The following ITPR1 variants were observed in gnomAD, a reference collection of about 807,000 sequenced individuals.
ITPR1 encodes the protein inositol 1,4,5-trisphosphate receptor type 1.
In ITPR1, 96 loss-of-function variants were observed where a neutral mutation model predicts 318.4. The ratio of observed to expected loss-of-function variants is 0.30; its 90% CI spans 0.26 to 0.36. The LOEUF is 0.36. Ranked by LOEUF, ITPR1 falls within the 10% of genes least tolerant of loss-of-function variation. ITPR1 has a pLI of 1.00. For synonymous variants in ITPR1, 1,312 were observed against 1,289.9 expected, an observed-to-expected ratio of 1.02 and a Z score of -0.37; for missense variants, 2,440 against 3,460.2, an observed-to-expected ratio of 0.71 and a Z score of 7.40.
At chr3:4,533,628 C>T (rs1330188250) in intron 4 of ITPR1, among the ~76,000 whole-genome samples, 2 of 152,186 alleles carry the variant, frequency 1.3e-5, no homozygotes, top group South Asian at 2.1e-4. Flanking sequence ...TGTAAAACAT[C>T]GATATGTCCG....
intron 30 of ITPR1, 25 bp downstream of exon 30, chr3:4,685,231 G>A (rs531326618): frequency 2.5e-6 from 4 of 1,579,174 alleles, no homozygotes; most frequent in Admixed American, 3.4e-5. Flanking sequence ...ATGCACAGCA[G>A]CTGCTCTCAG....
chr3:4,823,423 A>C (rs1365903469), intron 60 of ITPR1, among the ~76,000 whole-genome samples: 1 of 152,224 alleles, frequency 6.6e-6, no homozygotes, highest in African/African-American at 2.4e-5. Context: ...TCAACAAATG[A>C]ATGGATAAAG....
chr3:4,526,154 T>C (rs1258272535), intron 4 of ITPR1, among the ~76,000 whole-genome samples: 1 of 152,202 alleles, frequency 6.6e-6, no homozygotes, highest in African/African-American at 2.4e-5. Flanking sequence ...GATGTTACCA[T>C]ATCAATAATA....
intron 52 of ITPR1, 36 bp from the exon 53 acceptor site, chr3:4,795,026 GGTC>G: frequency 1.3e-6 from 2 of 1,562,100 alleles, no homozygotes; most frequent in Non-Finnish European, 1.7e-6. Flanking sequence ...TCCGGCTTGG[GGTC>G]TCCAGCCTCA....
chr3:4,627,202 T>C (rs951892748), intron 4 of ITPR1, among the ~76,000 whole-genome samples: 2 of 152,294 alleles, frequency 1.3e-5, no homozygotes, highest in South Asian at 2.1e-4. Context: ...CATTGTTGTA[T>C]ACAGCAAGGA....
At chr3:4,589,614 C>A (rs899432558) in intron 4 of ITPR1, among the ~76,000 whole-genome samples, 1 of 152,086 alleles carries the variant, frequency 6.6e-6, no homozygotes, top group African/African-American at 2.4e-5. Flanking sequence ...GGCTCACAGT[C>A]TTTCTACCAT....
chr3:4,631,405 T>A (rs967208276), intron 5 of ITPR1, among the ~76,000 whole-genome samples: 1 of 152,222 alleles, frequency 6.6e-6, no homozygotes, highest in Non-Finnish European at 1.5e-5. Context: ...TGCAAAAATA[T>A]GTATGTTACT....
At chr3:4,649,957 T>C (rs1559612212) in intron 10 of ITPR1, among the ~76,000 whole-genome samples, 1 of 152,200 alleles carries the variant, frequency 6.6e-6, no homozygotes, top group Non-Finnish European at 1.5e-5. Context: ...TATAACCTTA[T>C]GGGGTAGGTT....
chr3:4,691,449 AGAAG>A (rs1211702357), intron 32 of ITPR1, 105 bp downstream of exon 32: 64 of 722,748 alleles, frequency 8.9e-5, no homozygotes, highest in Non-Finnish European at 1.4e-4. Context: ...GGAGCCATAC[AGAAG>A]GACAGAAAGT....
intron 26 of ITPR1, among the ~76,000 whole-genome samples, chr3:4,681,624 A>AGTATGTGTGTGTGTGT (rs373511110): frequency 0.079 from 11,551 of 145,804 alleles, 529 homozygotes; most frequent in Middle Eastern, 0.1. Flanking sequence ...AGAGAGAGAA[A>AGTATGTGTGTGTGTGT]GTGTGTGTGT....
chr3:4,617,961 G>A (rs917799812), intron 4 of ITPR1, among the ~76,000 whole-genome samples: 1 of 151,150 alleles, frequency 6.6e-6, no homozygotes, highest in Non-Finnish European at 1.5e-5. Flanking sequence ...CTCCAGCCTG[G>A]GCAACAAAGT....
chr3:4,581,655 C>T (rs571613418), intron 4 of ITPR1, among the ~76,000 whole-genome samples: 1 of 152,308 alleles, frequency 6.6e-6, no homozygotes, highest in South Asian at 2.1e-4. Flanking sequence ...TAACCAAATG[C>T]TCAGAAACCA....
At chr3:4,609,081 T>TATAC (rs2091918725) in intron 4 of ITPR1, among the ~76,000 whole-genome samples, 1 of 92,014 alleles carries the variant, frequency 1.1e-5, no homozygotes, top group Non-Finnish European at 2.1e-5. Flanking sequence ...TATATATATA[T>TATAC]ATATATATAC....
chr3:4,783,806 T>G lies in ITPR1; in HGVS notation c.6511-10T>G, dbSNP rs1167956465. The G allele has an allele frequency of 6.3e-7, 1 of 1,587,458 alleles. No individual in the cohort carries two copies. Among genetic ancestry groups the G allele is most frequent in the Non-Finnish European group, 8.6e-7 (1 of 1,164,904 alleles). ...CACCAACCTCCTGTATCTCTGTCCCTGTATTCTAGTTGGCTCGGCATAACA... is the reference window on the plus strand; with the variant it reads ...CACCAACCTCCTGTATCTCTGTCCCGGTATTCTAGTTGGCTCGGCATAACA... On this transcript the variant is annotated splice_polypyrimidine_tract_variant and intron_variant, in intron 50 of 61. Transcript: ENST00000649015.
chr3:4,775,592 C>G, intron 47 of ITPR1, 150 bp downstream of exon 47: 1 of 626,972 alleles, frequency 1.6e-6, no homozygotes, highest in Non-Finnish European at 2.8e-6. Context: ...GAGAAATAGC[C>G]ATGGTGTTTC....
chr3:4,583,328 C>T (rs890933607), intron 4 of ITPR1, among the ~76,000 whole-genome samples: 7 of 152,142 alleles, frequency 4.6e-5, no homozygotes, highest in East Asian at 1.9e-4. Context: ...AAAAAGTTAG[C>T]GTTTTTTCAC....
intron 45 of ITPR1, 90 bp downstream of exon 45, chr3:4,766,800 A>G: frequency 1.9e-6 from 2 of 1,055,776 alleles, no homozygotes; most frequent in South Asian, 4.0e-5. Context: ...TCTGTGCTCT[A>G]AAATGCATTA....
intron 49 of ITPR1, 126 bp from the exon 50 acceptor site, chr3:4,782,493 C>T (rs532159645): frequency 4.0e-5 from 38 of 940,808 alleles, no homozygotes; most frequent in African/African-American, 1.2e-4. Context: ...TGTCCAAGCC[C>T]GATAGGAGAG....
chr3:4,539,195 A>G (rs1468260921), intron 4 of ITPR1, among the ~76,000 whole-genome samples: 1 of 152,140 alleles, frequency 6.6e-6, no homozygotes, highest in Non-Finnish European at 1.5e-5. Flanking sequence ...CGAGTTATTT[A>G]GAAGTATTTT....
Sources: allele counts gnomAD v4.1 joint callset (sites outside exome capture counted in the v4.1 genomes callset), GRCh38; gene constraint gnomAD v4.1.1; transcripts MANE v1.5; gene names NCBI Gene and HGNC (gene_info 2026-07-23, HGNC 2026-07-21).